RFX7: variants seen among roughly 807,000 people sequenced by gnomAD.
The protein encoded by RFX7 is DNA-binding protein RFX7.
RFX7 carries 26 observed loss-of-function variants against 111.8 expected under a neutral mutation model. That is an observed-to-expected ratio of 0.23 (90% confidence interval 0.17 to 0.32). The LOEUF (loss-of-function observed/expected upper bound fraction) is 0.32, where lower values mean the gene tolerates loss of function less well. Among genes scored for constraint, RFX7 ranks in the 10% least tolerant of loss-of-function variants. The pLI, the probability that RFX7 is intolerant of heterozygous loss-of-function variation, is 1.00. For synonymous variants in RFX7, 624 were observed against 624.4 expected (o/e 1.00, Z 0.01); for missense variants, 1,573 against 1,772.9 (o/e 0.89, Z 2.02).
Position 56,101,564 on chromosome 15 carries a change from C to G in RFX7, c.606G>C (p.Leu202Phe). 6.2e-7 allele frequency: 1 copy of G among 1,612,062 alleles called. No homozygotes were observed. The highest frequency in any genetic ancestry group is 1.1e-5 in the South Asian group (1 of 90,834). The change falls in exon 8 of 10, where the codon TTG becomes TTC. Residue 202 changes from leucine (L) to phenylalanine (F), a missense_variant and splice_region_variant. Physicochemically the swap from Leu to Phe is conservative, Grantham distance 22 (BLOSUM62 0). Around this residue, in one of 7 missense-constraint regions of RFX7, gnomAD observed 288 missense variants for 337.9 expected, o/e 0.85. Coordinates refer to ENST00000559447, the MANE Select transcript of RFX7 (RefSeq NM_022841.7). The stretch of plus-strand genomic sequence containing the variant: ...GCTGCCCAGAAGGTTCAGCTCCTTC[C>G]AACTAGGCAAAGAAAAAAGGAAATG... ...NLDFHKTGDG[L>F]EGAEPSGQLQ...
At chr15:56,138,760 T>A (rs1481542572) in intron 5 of RFX7, among the ~76,000 whole-genome samples, 2 of 152,016 alleles carry the variant, frequency 1.3e-5, no homozygotes, top group African/African-American at 4.8e-5. Flanking sequence ...GTACTGGTTT[T>A]TCCTTTCCAT....
chr15:56,213,705 T>TTTACATTATTTC (rs1353385448), intron 2 of RFX7, among the ~76,000 whole-genome samples: 1 of 152,178 alleles, frequency 6.6e-6, no homozygotes, highest in Non-Finnish European at 1.5e-5. Context: ...ATGATCTCTC[T>TTTACATTATTTC]TTATATTATT....
chr15:56,153,872 T>A (rs187897978), intron 3 of RFX7, among the ~76,000 whole-genome samples: 1 of 152,322 alleles, frequency 6.6e-6, no homozygotes, highest in East Asian at 1.9e-4. Flanking sequence ...GCAGATGACA[T>A]GATTGTATAT....
intron 2 of RFX7, among the ~76,000 whole-genome samples, chr15:56,210,683 C>T (rs1378235901): frequency 6.6e-6 from 1 of 151,992 alleles, no homozygotes; most frequent in Non-Finnish European, 1.5e-5. Flanking sequence ...GGAAATTAAA[C>T]AATGCACTTC....
At chr15:56,206,666 TA>T (rs1319738275) in intron 2 of RFX7, among the ~76,000 whole-genome samples, 1 of 151,208 alleles carries the variant, frequency 6.6e-6, no homozygotes. Context: ...TATTCAGCCA[TA>T]AAAAAGAACA....
chr15:56,112,140 C>T (rs1029073436), intron 5 of RFX7, among the ~76,000 whole-genome samples: 2 of 149,402 alleles, frequency 1.3e-5, no homozygotes, highest in African/African-American at 4.9e-5. Flanking sequence ...AAAAGAATCA[C>T]TAACCTGGTT....
intron 2 of RFX7, among the ~76,000 whole-genome samples, chr15:56,187,107 A>G (rs1381557898): frequency 6.6e-6 from 1 of 152,326 alleles, no homozygotes; most frequent in East Asian, 1.9e-4. Context: ...ACAATTATAC[A>G]TTCTGGACAA....
intron 4 of RFX7, among the ~76,000 whole-genome samples, chr15:56,143,310 CAT>C (rs1444802609): frequency 3.3e-5 from 5 of 150,656 alleles, no homozygotes; most frequent in East Asian, 1.9e-4. Context: ...TATATACACA[CAT>C]ATATATATAC....
chr15:56,144,272 G>T, intron 4 of RFX7, 129 bp downstream of exon 4: 1 of 258,910 alleles, frequency 3.9e-6, no homozygotes. Context: ...GTATTGTTTT[G>T]CCAGTATGTT....
In RFX7 at chr15:56,216,365, A is replaced by T. The variant is rs2043362820; in HGVS notation, c.161+26760T>A. ...AGTTTTCTAATACTGAAGTAATTTA[A>T]AGTATTCTTAGAATGCATCCATTGT... On this transcript the variant is annotated intron_variant, in intron 2 of 9. Transcript: ENST00000559447. Among the ~76,000 whole-genome samples, 3 of 152,318 alleles carry T rather than the reference A, an allele frequency of 2.0e-5. No individual in the cohort carries two copies. In the South Asian group the frequency reaches 6.2e-4, roughly 32 times the overall value.
rs1441678493 is a variant in RFX7, at chr15:56,088,234, T to A, written c.*5111A>T. The A allele has an allele frequency of 6.5e-6, 1 of 154,000 alleles. No individual in the cohort carries two copies. The highest frequency in any genetic ancestry group is 2.0e-4 in the South Asian group (1 of 5,084). 9.5% of individuals were successfully genotyped at this position (154,000 alleles called of 1,614,324 possible). A position where few individuals can be genotyped will look rare whatever the true frequency, so the allele number is the denominator to read the frequency against. ...GTGAACACATATCTTAAGTATAGCA[T>A]AATGGTATGAAGTGGGATTTGAAAT... On this transcript the variant is annotated 3_prime_UTR_variant, in exon 10 of 10. Coordinates refer to ENST00000559447, the MANE Select transcript of RFX7 (RefSeq NM_022841.7).
At chr15:56,191,991 C>A (rs114836324) in intron 2 of RFX7, among the ~76,000 whole-genome samples, 3,281 of 152,206 alleles carry the variant, frequency 0.022, 117 homozygotes, top group African/African-American at 0.074. Context: ...CAACAATGAA[C>A]ACAATATACT....
chr15:56,203,244 A>C (rs2043212709), intron 2 of RFX7, among the ~76,000 whole-genome samples: 1 of 152,244 alleles, frequency 6.6e-6, no homozygotes, highest in African/African-American at 2.4e-5. Flanking sequence ...AAGTTAGTAC[A>C]GATTAGTGAC....
chr15:56,105,230 C>T (rs754065659), intron 5 of RFX7, among the ~76,000 whole-genome samples: 1 of 152,264 alleles, frequency 6.6e-6, no homozygotes, highest in East Asian at 1.9e-4. Context: ...ACTAAAGCAA[C>T]GTCCTCATGT....
intron 2 of RFX7, among the ~76,000 whole-genome samples, chr15:56,227,778 GTTATT>G (rs764962634): frequency 6.6e-6 from 1 of 152,094 alleles, no homozygotes; most frequent in Non-Finnish European, 1.5e-5. Context: ...AATAAAAGGT[GTTATT>G]TTATTTTCAT....
intron 2 of RFX7, among the ~76,000 whole-genome samples, chr15:56,236,709 A>G (rs1426818037): frequency 6.6e-6 from 1 of 151,576 alleles, no homozygotes; most frequent in Non-Finnish European, 1.5e-5. Context: ...AATCTACAAT[A>G]TGACATTCAC....
chr15:56,114,432 C>CA (rs2041980555), intron 5 of RFX7, among the ~76,000 whole-genome samples: 2 of 130,824 alleles, frequency 1.5e-5, no homozygotes, highest in Non-Finnish European at 3.4e-5. Flanking sequence ...AAAAAACAAA[C>CA]AACAACAACA....
At chr15:56,142,378 T>G (rs10152289) in intron 5 of RFX7, among the ~76,000 whole-genome samples, 4 of 152,186 alleles carry the variant, frequency 2.6e-5, no homozygotes, top group African/African-American at 9.7e-5. Context: ...AAAGGGCCTT[T>G]AAAAAGTCCA....
In RFX7 at chr15:56,139,498, A is replaced by G. The variant is rs565853128; in HGVS notation, c.401+3280T>C. 2.6e-5 allele frequency among the ~76,000 whole-genome samples: 4 copies of G among 152,150 alleles called. No homozygotes were observed. In the South Asian group the frequency reaches 8.3e-4, roughly 32 times the overall value. ...CTTTAAGCACTTCTCTGTATTGGTT[A>G]TTCTAGTTATACATTCTTCTAAATG... is the stretch of plus-strand genomic sequence containing the variant. On this transcript the variant is annotated intron_variant, in intron 5 of 9. Transcript: ENST00000559447.
Sources: allele counts gnomAD v4.1 joint callset (sites outside exome capture counted in the v4.1 genomes callset), GRCh38; gene constraint gnomAD v4.1.1; regional missense constraint gnomAD v4.1.1; transcripts MANE v1.5; gene names NCBI Gene and HGNC (gene_info 2026-07-23, HGNC 2026-07-21).